ADCY10: variants seen among roughly 807,000 people sequenced by gnomAD.
ADCY10 encodes the protein adenylate cyclase type 10.
A neutral mutation model predicts 183.3 loss-of-function variants in ADCY10; 156 were observed. That is an observed-to-expected ratio of 0.85 (90% CI 0.75 to 0.97). The LOEUF is 0.97. Among genes scored for constraint, ADCY10 ranks in the 50% least tolerant of loss-of-function variants. The pLI is 0.00. For synonymous variants in ADCY10, 645 were observed against 670.0 expected, an observed-to-expected ratio of 0.96 and a Z score of 0.58; for missense variants, 1,745 against 1,934.3, an observed-to-expected ratio of 0.90 and a Z score of 1.84.
At chr1:167,869,123 G>A (rs543818891) in intron 14 of ADCY10, among the ~76,000 whole-genome samples, 18 of 152,304 alleles carry the variant, frequency 1.2e-4, no homozygotes, top group South Asian at 2.1e-4. Context: ...ACATATGCCC[G>A]TACGAGTGTA....
chr1:167,852,743 T>C (rs1253986797), intron 18 of ADCY10, among the ~76,000 whole-genome samples: 1 of 152,066 alleles, frequency 6.6e-6, no homozygotes, highest in Non-Finnish European at 1.5e-5. Flanking sequence ...AAAATTGATC[T>C]TTCCTTAAAA....
intron 1 of ADCY10, among the ~76,000 whole-genome samples, chr1:167,911,381 A>G (rs1278896059): frequency 6.6e-6 from 1 of 152,258 alleles, no homozygotes; most frequent in East Asian, 1.9e-4. Flanking sequence ...GGCTCCCACA[A>G]TGTAGCCTAA....
intron 26 of ADCY10, among the ~76,000 whole-genome samples, chr1:167,825,360 T>C (rs1300413168): frequency 6.6e-6 from 1 of 151,432 alleles, no homozygotes; most frequent in Non-Finnish European, 1.5e-5. Flanking sequence ...GTTTTAAACC[T>C]AATTTGGAGG....
chr1:167,839,127 G>C (rs562869243), intron 21 of ADCY10, among the ~76,000 whole-genome samples: 1 of 152,192 alleles, frequency 6.6e-6, no homozygotes, highest in African/African-American at 2.4e-5. Flanking sequence ...TGTAGAGAAG[G>C]CAGTACCATT....
intron 30 of ADCY10, chr1:167,819,838 T>C: frequency 1.5e-6 from 1 of 689,512 alleles, no homozygotes; most frequent in Middle Eastern, 2.6e-4. Context: ...GTGCTGGGAT[T>C]ACAGGTGTCA....
chr1:167,903,951 G>A lies in ADCY10; in HGVS notation c.189C>T (p.Tyr63=), dbSNP rs1401065598. The change falls in exon 3 of 33, where the codon TAC becomes TAT. Residue 63 remains tyrosine (Y), a synonymous_variant. Coordinates refer to ENST00000367851, the MANE Select transcript of ADCY10 (RefSeq NM_018417.6). ...CCAACTGCTCAGCCCCTCTGTCCAT[G>A]TACATGGCACTGCTGAACTTCTCAG... is the stretch of plus-strand genomic sequence containing the variant. ...AMTEKFSSAM[Y]MDRGAEQLVE... 6.2e-7 allele frequency: 1 copy of A among 1,614,012 alleles called. No homozygotes were observed.
At chr1:167,881,628 C>T (rs1667874798) in intron 9 of ADCY10, among the ~76,000 whole-genome samples, 1 of 152,202 alleles carries the variant, frequency 6.6e-6, no homozygotes, top group South Asian at 2.1e-4. Context: ...TTATTGCACA[C>T]TGACTCTAAG....
rs571793212 is a variant in ADCY10 at position 167,833,145 on chromosome 1, G to T, written c.3435C>A (p.Gly1145=). 6.2e-6 allele frequency: 10 copies of T among 1,614,112 alleles called. No individual in the cohort carries two copies. The highest frequency in any genetic ancestry group is 4.0e-5 in the African/African-American group (3 of 75,044). The change falls in exon 25 of 33, where the codon GGC becomes GGA. Residue 1145 remains glycine, a synonymous_variant. Transcript: ENST00000367851. ...SLKGEVCFNM[G]QIVLAKKMLR... ...GCATTTTCTTGGCAAGCACTATCTG[G>T]CCCATATTGAAACAGACCTACAGGG...
At chr1:167,814,910 G>C (rs1227162141) in intron 31 of ADCY10, among the ~76,000 whole-genome samples, 1 of 152,178 alleles carries the variant, frequency 6.6e-6, no homozygotes, top group East Asian at 1.9e-4. Context: ...CGGATCACCT[G>C]AGGTCAGGAG....
intron 21 of ADCY10, among the ~76,000 whole-genome samples, chr1:167,843,942 T>C (rs187367561): frequency 1.5e-3 from 222 of 152,198 alleles, no homozygotes; most frequent in Non-Finnish European, 2.8e-3. Context: ...TTTCTATGTC[T>C]TAGGTCTGGG....
intron 32 of ADCY10, 150 bp from the exon 33 acceptor site, chr1:167,809,989 A>G: frequency 1.3e-6 from 1 of 745,538 alleles, no homozygotes; most frequent in South Asian, 1.6e-5. Flanking sequence ...AAACTAGGAT[A>G]CTGACACAGC....
Position 167,818,064 on chromosome 1 carries a change from G to A in ADCY10, c.4482+8C>T. ...ATTTTATACTGGAAACTGGAGAATAGGCCTCACCTTGAGTAGCTCCTCCCC... is the reference window on the plus strand; with the variant it reads ...ATTTTATACTGGAAACTGGAGAATAAGCCTCACCTTGAGTAGCTCCTCCCC... On this transcript the variant is annotated splice_region_variant and intron_variant, in intron 31 of 32. Transcript: ENST00000367851. 2 of 1,613,706 alleles carry A rather than the reference G, an allele frequency of 1.2e-6. No individual in the cohort carries two copies. Among genetic ancestry groups the A allele is most frequent in the South Asian group, 1.1e-5 (1 of 91,050 alleles).
intron 7 of ADCY10, among the ~76,000 whole-genome samples, chr1:167,894,611 G>GA (rs1668827042): frequency 6.6e-6 from 1 of 150,762 alleles, no homozygotes; most frequent in African/African-American, 2.5e-5. Context: ...ATGATAATGT[G>GA]AAAAAAAATG....
intron 14 of ADCY10, among the ~76,000 whole-genome samples, chr1:167,869,168 T>C (rs1438744503): frequency 1.3e-5 from 2 of 152,176 alleles, no homozygotes; most frequent in African/African-American, 2.4e-5. Context: ...GTTTAGAAGG[T>C]GGTTCCCAGC....
At chr1:167,902,706 G>C in intron 3 of ADCY10, among the ~76,000 whole-genome samples, 1 of 152,158 alleles carries the variant, frequency 6.6e-6, no homozygotes, top group East Asian at 1.9e-4. Context: ...GGAACTCAGA[G>C]TCTGATAAAA....
chr1:167,836,894 A>G (rs952842074), intron 22 of ADCY10, among the ~76,000 whole-genome samples: 2 of 152,268 alleles, frequency 1.3e-5, no homozygotes, highest in East Asian at 3.9e-4. Flanking sequence ...GTGTGGTGGC[A>G]GGCGCCTGTA....
intron 24 of ADCY10, 142 bp from the exon 25 acceptor site, chr1:167,833,304 G>A (rs1448422848): frequency 1.5e-5 from 12 of 787,684 alleles, no homozygotes; most frequent in Non-Finnish European, 2.2e-5. Flanking sequence ...CCTGTGCCTG[G>A]CATAATAGAA....
In ADCY10 at chr1:167,896,699, A is replaced by C. The variant is rs774865044; in HGVS notation, c.643-8T>G. ...TGGTTTTAAGAAGTTAACCTAAATAAAAGCAAATGAGAAGTTTTCAGTTAT... is the reference window on the plus strand; with the variant it reads ...TGGTTTTAAGAAGTTAACCTAAATACAAGCAAATGAGAAGTTTTCAGTTAT... On this transcript the variant is annotated splice_region_variant and splice_polypyrimidine_tract_variant and intron_variant, in intron 6 of 32. Coordinates refer to ENST00000367851, the MANE Select transcript of ADCY10 (RefSeq NM_018417.6). The C allele has an allele frequency of 9.6e-6, 15 of 1,563,604 alleles. No homozygotes were observed. The highest frequency in any genetic ancestry group is 1.3e-5 in the Non-Finnish European group (15 of 1,134,462).
chr1:167,816,038 A>C (rs555200510), intron 31 of ADCY10, among the ~76,000 whole-genome samples: 16 of 151,596 alleles, frequency 1.1e-4, no homozygotes, highest in African/African-American at 3.9e-4. Context: ...ATAAGTACAA[A>C]AGGTATACTA....
Sources: gnomAD v4.1 joint callset for allele counts (sites outside exome capture counted in the v4.1 genomes callset) on GRCh38, gnomAD v4.1.1 for gene constraint, MANE v1.5 for transcripts, NCBI Gene and HGNC (gene_info 2026-07-23, HGNC 2026-07-21) for gene names.